The following CELF2 variants were observed in gnomAD, a reference collection of about 807,000 sequenced individuals.
The protein encoded by CELF2 is CUG triplet repeat RNA-binding protein 2.
Under a neutral mutation model 62.6 loss-of-function variants are expected in CELF2, and 8 were observed. The observed-to-expected ratio is 0.13, with a 90% CI of 0.07 to 0.23. The LOEUF (loss-of-function observed/expected upper bound fraction) is 0.23. Ranked by LOEUF, CELF2 falls within the 10% of genes least tolerant of loss-of-function variation. CELF2 has a pLI of 1.00. For synonymous variants in CELF2, 258 were observed against 250.0 expected (o/e 1.03, Z -0.30); for missense variants, 333 against 671.0 (o/e 0.50, Z 5.56).
chr10:11,287,780 T>C (rs893404040), intron 8 of CELF2, among the ~76,000 whole-genome samples: 4 of 152,234 alleles, frequency 2.6e-5, no homozygotes, highest in Non-Finnish European at 4.4e-5. Flanking sequence ...CTTAACGTTG[T>C]GCCAAAGTAA....
At chr10:10,962,594 A>AC (rs1325427028) in intron 2 of CELF2, among the ~76,000 whole-genome samples, 1 of 152,162 alleles carries the variant, frequency 6.6e-6, no homozygotes, top group Non-Finnish European at 1.5e-5. Flanking sequence ...GGTGGTGCAC[A>AC]CACCCCTGTA....
chr10:10,774,318 A>G, the CELF2 span, among the ~76,000 whole-genome samples: 1 of 152,192 alleles, frequency 6.6e-6, no homozygotes, highest in Non-Finnish European at 1.5e-5. Flanking sequence ...TGCACTATGA[A>G]GTAGTTAAAA....
chr10:11,223,620 A>AGT lies in CELF2; in HGVS notation c.354+6114_354+6115dup, dbSNP rs2065554874. 6.6e-6 allele frequency among the ~76,000 whole-genome samples: 1 copy of AGT among 152,226 alleles called. No individual in the cohort carries two copies. The highest frequency in any genetic ancestry group is 1.5e-5 in the Non-Finnish European group (1 of 68,028). On this transcript the variant is annotated intron_variant, in intron 3 of 12. Transcript: ENST00000633077. This position sits in a 1 kb window ranked among gnomAD's most constrained non-coding sequence, Gnocchi z 5.1. The stretch of plus-strand genomic sequence containing the variant: ...TGACTTTTTAAGGACTGTGACAGAG[A>AGT]GTAGCAGGGGGAGCTCCGGAGGAGT...
chr10:10,522,896 T>A, the CELF2 span, among the ~76,000 whole-genome samples: 6 of 152,198 alleles, frequency 3.9e-5, no homozygotes, highest in African/African-American at 1.4e-4. Flanking sequence ...TAATCATATG[T>A]AATGTGCTTC....
intron 8 of CELF2, among the ~76,000 whole-genome samples, chr10:11,287,299 T>G (rs1435308249): frequency 3.3e-5 from 5 of 152,086 alleles, no homozygotes; most frequent in African/African-American, 1.2e-4. Flanking sequence ...GCTTCTCACA[T>G]GTGCAGTCTT....
At chr10:11,275,824 C>G (rs1018613525) in intron 8 of CELF2, among the ~76,000 whole-genome samples, 14 of 152,154 alleles carry the variant, frequency 9.2e-5, no homozygotes, top group Admixed American at 2.6e-4. Context: ...CCTTCCGTGC[C>G]GATTTCCCTA....
intron 1 of CELF2, among the ~76,000 whole-genome samples, chr10:10,883,232 G>C (rs1445183039): frequency 1.3e-5 from 2 of 152,140 alleles, no homozygotes; most frequent in Non-Finnish European, 2.9e-5. Context: ...GAGCAAATAT[G>C]TACATGTTTA....
chr10:11,184,327 A>G (rs2074273812), intron 2 of CELF2, among the ~76,000 whole-genome samples: 1 of 152,242 alleles, frequency 6.6e-6, no homozygotes, highest in African/African-American at 2.4e-5. Flanking sequence ...GAAGTCAGAT[A>G]CTGTTAGTCT....
the CELF2 span, among the ~76,000 whole-genome samples, chr10:10,524,442 T>A: frequency 3.3e-5 from 5 of 150,920 alleles, no homozygotes; most frequent in Admixed American, 2.0e-4. Flanking sequence ...GGCCTCTGAA[T>A]AAGCATGCAG....
the CELF2 span, among the ~76,000 whole-genome samples, chr10:10,602,265 T>C: frequency 1.3e-5 from 2 of 152,178 alleles, no homozygotes; most frequent in South Asian, 2.1e-4. Context: ...CCCACTGAGA[T>C]AGGCTGTGTA....
At chr10:11,310,112 G>A (rs573519032) in intron 9 of CELF2, among the ~76,000 whole-genome samples, 6 of 152,334 alleles carry the variant, frequency 3.9e-5, no homozygotes, top group South Asian at 2.1e-4. Flanking sequence ...TATGCCTAGC[G>A]TAGAGCTTCC....
the CELF2 span, among the ~76,000 whole-genome samples, chr10:10,513,547 T>C: frequency 1.3e-3 from 196 of 152,108 alleles, no homozygotes; most frequent in Non-Finnish European, 2.0e-3. Context: ...ACACCAAAAA[T>C]AAGAGTAGCA....
the CELF2 span, among the ~76,000 whole-genome samples, chr10:10,584,564 G>C: frequency 6.6e-6 from 1 of 152,168 alleles, no homozygotes; most frequent in South Asian, 2.1e-4. Context: ...AAATATAGAA[G>C]TACCGAGTCC....
chr10:10,554,133 T>C, the CELF2 span, among the ~76,000 whole-genome samples: 1 of 151,982 alleles, frequency 6.6e-6, no homozygotes, highest in Admixed American at 6.6e-5. Flanking sequence ...TCAGCTGATA[T>C]AAGAGTGATA....
At chr10:11,026,485 G>A (rs2059231965) in intron 1 of CELF2, among the ~76,000 whole-genome samples, 1 of 152,126 alleles carries the variant, frequency 6.6e-6, no homozygotes, top group Non-Finnish European at 1.5e-5. Context: ...ACTCTTAGGG[G>A]AATAATAGAA....
intron 2 of CELF2, among the ~76,000 whole-genome samples, chr10:11,212,633 T>C (rs745906): frequency 0.69 from 104,874 of 151,940 alleles, 37,503 homozygotes; most frequent in Non-Finnish European, 0.8. Context: ...GAGTTTTCCA[T>C]TGGACCTGAT....
At chr10:10,541,168 G>A in the CELF2 span, among the ~76,000 whole-genome samples, 6 of 151,192 alleles carry the variant, frequency 4.0e-5, no homozygotes, top group Non-Finnish European at 5.9e-5. Flanking sequence ...GCGAGAACCC[G>A]GGAGGCGGAG....
At chr10:10,825,978 G>C (rs543697512) in intron 1 of CELF2, among the ~76,000 whole-genome samples, 104 of 152,204 alleles carry the variant, frequency 6.8e-4, no homozygotes, top group African/African-American at 2.4e-3. Flanking sequence ...TCTCTGCCAG[G>C]AGCTGTACTA....
Position 11,217,339 on chromosome 10 carries a change from G to A in CELF2, c.272-86G>A, listed in dbSNP as rs1040888638. On this transcript the variant is annotated intron_variant, in intron 2 of 12. Coordinates refer to ENST00000633077, the MANE Select transcript of CELF2 (RefSeq NM_001326342.2). The surrounding 1 kb of genome is among the most constrained non-coding windows in gnomAD (Gnocchi z 5.6). ...ATTTTTAAATTGTGCGTCCTTTTAAGTAGATTGTTTGTTCGCCACAGTCTC... is the reference window on the plus strand; with the variant it reads ...ATTTTTAAATTGTGCGTCCTTTTAAATAGATTGTTTGTTCGCCACAGTCTC... 3 of 857,204 alleles carry A rather than the reference G, an allele frequency of 3.5e-6. No individual in the cohort carries two copies. The highest frequency in any genetic ancestry group is 1.7e-5 in the African/African-American group (1 of 58,410). The allele number at this position is 857,204 out of a possible 1,614,324, so 53.1% of individuals were successfully genotyped here.
Sources: allele counts gnomAD v4.1 joint callset (sites outside exome capture counted in the v4.1 genomes callset), GRCh38; gene constraint gnomAD v4.1.1; non-coding constraint Gnocchi (gnomAD v3.1); transcripts MANE v1.5; gene names NCBI Gene and HGNC (gene_info 2026-07-23, HGNC 2026-07-21).